CEP112: variants seen among roughly 807,000 people sequenced by gnomAD.
The protein encoded by CEP112 is centrosomal protein 112.
Under a neutral mutation model 153.0 loss-of-function variants are expected in CEP112, and 127 were observed. That is an observed-to-expected ratio of 0.83 (90% confidence interval 0.72 to 0.96). The LOEUF (loss-of-function observed/expected upper bound fraction) is 0.96, where lower values mean the gene tolerates loss of function less well. Ranked by LOEUF, CEP112 falls within the 40% of genes least tolerant of loss-of-function variation. The probability of loss-of-function intolerance (pLI) is 0.00; values close to 1 mark genes in which losing one functional copy is unlikely to be tolerated. For synonymous variants in CEP112, 358 were observed against 374.4 expected, an observed-to-expected ratio of 0.96 and a Z score of 0.51; for missense variants, 1,089 against 1,101.2, an observed-to-expected ratio of 0.99 and a Z score of 0.16.
chr17:66,187,796 A>G (rs1334039006), intron 1 of CEP112, among the ~76,000 whole-genome samples: 1 of 152,142 alleles, frequency 6.6e-6, no homozygotes, highest in Non-Finnish European at 1.5e-5. Context: ...TAGCTCCTGG[A>G]CCTATTCACT....
At chr17:65,926,704 C>G (rs1345891645) in intron 19 of CEP112, among the ~76,000 whole-genome samples, 1 of 142,732 alleles carries the variant, frequency 7.0e-6, no homozygotes, top group East Asian at 2.0e-4. Context: ...GAGAGTGAGA[C>G]TCCTTCTCAA....
chr17:66,108,124 C>A (rs764954494), intron 6 of CEP112, among the ~76,000 whole-genome samples: 2 of 152,088 alleles, frequency 1.3e-5, no homozygotes, highest in African/African-American at 2.4e-5. Flanking sequence ...AGAGCCCTAT[C>A]CCTTGTCATA....
chr17:65,971,607 CAT>C (rs2062827278), intron 17 of CEP112, among the ~76,000 whole-genome samples: 1 of 134,216 alleles, frequency 7.5e-6, no homozygotes. Flanking sequence ...ATATTGTGTG[CAT>C]ATTATATGTA....
chr17:65,697,095 T>C (rs990864079), intron 23 of CEP112, among the ~76,000 whole-genome samples: 7 of 152,224 alleles, frequency 4.6e-5, no homozygotes, highest in Non-Finnish European at 7.3e-5. Flanking sequence ...CAATTCAATG[T>C]TTATTTTTTC....
intron 21 of CEP112, among the ~76,000 whole-genome samples, chr17:65,768,132 C>T (rs550548661): frequency 9.2e-5 from 14 of 152,150 alleles, no homozygotes; most frequent in Admixed American, 2.6e-4. Flanking sequence ...GACTGGAAGC[C>T]TTACTGATAA....
intron 24 of CEP112, among the ~76,000 whole-genome samples, chr17:65,648,210 G>A (rs537723668): frequency 2.0e-5 from 3 of 151,838 alleles, no homozygotes; most frequent in East Asian, 1.9e-4. Context: ...CAACCACATC[G>A]CACCAAAGAG....
At chr17:65,935,955 A>G (rs891554228) in intron 18 of CEP112, among the ~76,000 whole-genome samples, 2 of 152,126 alleles carry the variant, frequency 1.3e-5, no homozygotes, top group South Asian at 2.1e-4. Flanking sequence ...AAAAAGATCA[A>G]TGAAACTACG....
chr17:65,706,145 C>T (rs1290266059), intron 23 of CEP112, among the ~76,000 whole-genome samples: 2 of 152,070 alleles, frequency 1.3e-5, no homozygotes, highest in Non-Finnish European at 1.5e-5. Flanking sequence ...AAAAAAGAAA[C>T]AAACATTTTA....
At chr17:65,707,523 A>T (rs931084687) in intron 23 of CEP112, among the ~76,000 whole-genome samples, 10 of 152,194 alleles carry the variant, frequency 6.6e-5, no homozygotes, top group Non-Finnish European at 1.5e-4. Flanking sequence ...CACCATGCTT[A>T]GAAGGTCCTA....
intron 11 of CEP112, among the ~76,000 whole-genome samples, chr17:66,057,814 C>T (rs545084208): frequency 6.6e-6 from 1 of 151,360 alleles, no homozygotes; most frequent in East Asian, 1.9e-4. Flanking sequence ...AGTGAGGGGG[C>T]AGGTACAGTG....
At position 65,741,855 on chromosome 17, in the gene CEP112, C is replaced by T. The variant is rs138987510; in HGVS notation, c.2607+1213G>A. The stretch of plus-strand genomic sequence containing the variant: ...ACAGTTATATAGATCAATGGAGGCA[C>T]TTCCTGTGCATTTGTAAATGAAAAA... On this transcript the variant is annotated intron_variant, in intron 23 of 26. Coordinates refer to ENST00000535342, the MANE Select transcript of CEP112 (RefSeq NM_001199165.4). Among the ~76,000 whole-genome samples, 944 of 151,566 alleles carry T rather than the reference C, an allele frequency of 6.2e-3. 11 individuals are homozygous for T. The highest frequency in any genetic ancestry group is 0.022 in the African/African-American group (897 of 41,348).
intron 24 of CEP112, among the ~76,000 whole-genome samples, chr17:65,675,910 G>GT (rs2047210493): frequency 2.0e-5 from 3 of 152,166 alleles, no homozygotes; most frequent in Admixed American, 2.0e-4. Flanking sequence ...ACATCTACTT[G>GT]TGATTTTAAA....
In CEP112 at chr17:65,654,056, C is replaced by CAA. The variant is rs773433478; in HGVS notation, c.2698-12993_2698-12992dup. On this transcript the variant is annotated intron_variant, in intron 24 of 26. Coordinates refer to ENST00000535342, the MANE Select transcript of CEP112 (RefSeq NM_001199165.4). ...CCTGGCAACCAGAGCAAGACTCCATCAAAAAAAAAAAAAAAAAAAAAAAAA... is the reference window on the plus strand; with the variant it reads ...CCTGGCAACCAGAGCAAGACTCCATCAAAAAAAAAAAAAAAAAAAAAAAAAAA... Among the ~76,000 whole-genome samples the CAA allele has an allele frequency of 6.1e-3, 164 of 26,882 alleles. 7 individuals carry two copies. The highest frequency in any genetic ancestry group is 0.021 in the African/African-American group (130 of 6,280). 17.6% of individuals were successfully genotyped at this position (26,882 alleles called of 152,430 possible). A position where few individuals can be genotyped will look rare whatever the true frequency, so the allele number is the denominator to read the frequency against.
intron 21 of CEP112, among the ~76,000 whole-genome samples, chr17:65,843,395 T>C (rs1300661393): frequency 6.6e-6 from 1 of 152,194 alleles, no homozygotes; most frequent in Non-Finnish European, 1.5e-5. Flanking sequence ...AACCTGAGGA[T>C]AACATTTAAT....
chr17:66,016,546 T>C (rs990305656), intron 16 of CEP112, among the ~76,000 whole-genome samples: 17 of 152,120 alleles, frequency 1.1e-4, no homozygotes, highest in African/African-American at 3.6e-4. Flanking sequence ...TAAAATGATA[T>C]GTTACACAGC....
At chr17:65,788,186 T>C (rs1488054710) in intron 21 of CEP112, among the ~76,000 whole-genome samples, 1 of 152,222 alleles carries the variant, frequency 6.6e-6, no homozygotes, top group Non-Finnish European at 1.5e-5. Flanking sequence ...CTCCTTTCAG[T>C]GTGGCAACGT....
rs146918655 is a variant in CEP112 at position 66,053,021 on chromosome 17, C to T, written c.1218+715G>A. Among the ~76,000 whole-genome samples, 1,132 of 151,652 alleles carry T rather than the reference C, an allele frequency of 7.5e-3. 12 individuals are homozygous for T. The highest frequency in any genetic ancestry group is 0.025 in the African/African-American group (1,049 of 41,310). On this transcript the variant is annotated intron_variant, in intron 12 of 26. Coordinates refer to ENST00000535342, the MANE Select transcript of CEP112 (RefSeq NM_001199165.4). ...ACTTGGGAGGCTTAGGCACAAGAAT[C>T]GCTTGAGCCTGGGAGGCAGAGGTTG...
chr17:66,156,760 A>C (rs1482225257), intron 4 of CEP112, among the ~76,000 whole-genome samples: 1 of 152,106 alleles, frequency 6.6e-6, no homozygotes, highest in African/African-American at 2.4e-5. Flanking sequence ...AGCCAAATTG[A>C]TCAAGCGGAA....
intron 25 of CEP112, among the ~76,000 whole-genome samples, chr17:65,640,137 C>CATATATATATATATATATATAT (rs762352624): frequency 8.9e-6 from 1 of 112,164 alleles, no homozygotes; most frequent in Non-Finnish European, 1.6e-5. Flanking sequence ...TGCACCCGAC[C>CATATATATATATATATATATAT]ATATATATAT....
Sources: gnomAD v4.1 joint callset for allele counts (sites outside exome capture counted in the v4.1 genomes callset) on GRCh38, gnomAD v4.1.1 for gene constraint, MANE v1.5 for transcripts, NCBI Gene and HGNC (gene_info 2026-07-23, HGNC 2026-07-21) for gene names.